Variants in SNTG1 observed in about 807,000 individuals in gnomAD.
The protein encoded by SNTG1 is gamma-1-syntrophin.
Under a neutral mutation model 74.7 loss-of-function variants are expected in SNTG1, and 39 were observed. The ratio of observed to expected loss-of-function variants is 0.52; its 90% confidence interval spans 0.40 to 0.68. The LOEUF (loss-of-function observed/expected upper bound fraction) is 0.68. Ranked by LOEUF, SNTG1 falls within the 30% of genes least tolerant of loss-of-function variation. SNTG1 has a pLI of 0.00. For synonymous variants in SNTG1, 254 were observed against 217.1 expected (o/e 1.17, Z -1.49); for missense variants, 685 against 609.5 (o/e 1.12, Z -1.30).
chr8:50,021,719 G>T (rs998548244), intron 1 of SNTG1, among the ~76,000 whole-genome samples: 1 of 151,990 alleles, frequency 6.6e-6, no homozygotes, highest in Admixed American at 6.6e-5. Context: ...AGGATCACTT[G>T]ATCCCCAAGA....
At chr8:50,087,105 GTGAAATAAGTGAGAGATTATCA>G (rs532776224) in intron 1 of SNTG1, among the ~76,000 whole-genome samples, 65 of 152,274 alleles carry the variant, frequency 4.3e-4, no homozygotes, top group African/African-American at 1.5e-3. Context: ...GATAGTTTTT[GTGAAATAAGTGAGAGATTATCA>G]TGTCTATTTT....
At chr8:50,254,158 C>T (rs539842129) in intron 2 of SNTG1, among the ~76,000 whole-genome samples, 60 of 152,050 alleles carry the variant, frequency 3.9e-4, no homozygotes, top group African/African-American at 1.4e-3. Context: ...ACATTGTATG[C>T]CATAAATATG....
At chr8:50,594,806 C>T (rs2094715893) in intron 13 of SNTG1, among the ~76,000 whole-genome samples, 1 of 152,056 alleles carries the variant, frequency 6.6e-6, no homozygotes, top group African/African-American at 2.4e-5. Context: ...TATGGAAATT[C>T]ACAAAGGCTC....
chr8:50,471,816 TAA>T (rs753501410), intron 8 of SNTG1, among the ~76,000 whole-genome samples: 2 of 152,106 alleles, frequency 1.3e-5, no homozygotes, highest in African/African-American at 2.4e-5. Context: ...TAGAAATCCC[TAA>T]AGAGTCCATA....
chr8:50,487,749 G>A (rs1402423190), intron 8 of SNTG1, among the ~76,000 whole-genome samples: 2 of 151,756 alleles, frequency 1.3e-5, no homozygotes, highest in Admixed American at 1.3e-4. Flanking sequence ...TGACGAGTTA[G>A]TGGGTGCAGT....
chr8:50,100,144 A>C (rs2131222183), intron 1 of SNTG1, among the ~76,000 whole-genome samples: 1 of 152,248 alleles, frequency 6.6e-6, no homozygotes, highest in Admixed American at 6.5e-5. Flanking sequence ...CATTAAAGTA[A>C]GTGAAATAAG....
chr8:50,131,690 T>C (rs2081323424), intron 1 of SNTG1, among the ~76,000 whole-genome samples: 1 of 152,256 alleles, frequency 6.6e-6, no homozygotes, highest in African/African-American at 2.4e-5. Context: ...TTTTATTTTG[T>C]GGATATATAC....
intron 2 of SNTG1, among the ~76,000 whole-genome samples, chr8:50,194,617 A>G (rs760749726): frequency 6.6e-6 from 1 of 152,042 alleles, no homozygotes; most frequent in Non-Finnish European, 1.5e-5. Context: ...TCAAAGAACC[A>G]GCTTTTTGTT....
At chr8:50,579,752 G>A (rs529209466) in intron 12 of SNTG1, among the ~76,000 whole-genome samples, 192 of 152,326 alleles carry the variant, frequency 1.3e-3, no homozygotes, top group African/African-American at 4.4e-3. Context: ...CTTTGAGTGC[G>A]CAGAAAACAA....
At chr8:50,132,732 A>G (rs1168272231) in intron 1 of SNTG1, among the ~76,000 whole-genome samples, 1 of 152,124 alleles carries the variant, frequency 6.6e-6, no homozygotes, top group East Asian at 1.9e-4. Flanking sequence ...ATTTTGTCCC[A>G]TCTCTGTCTC....
At chr8:50,769,922 G>A (rs893609329) in intron 18 of SNTG1, among the ~76,000 whole-genome samples, 11 of 152,076 alleles carry the variant, frequency 7.2e-5, no homozygotes, top group African/African-American at 2.7e-4. Flanking sequence ...AGCAGAGATA[G>A]GCAATGTAAT....
chr8:50,723,086 TG>T (rs2095491670), intron 17 of SNTG1, among the ~76,000 whole-genome samples: 1 of 152,150 alleles, frequency 6.6e-6, no homozygotes, highest in Admixed American at 6.5e-5. Context: ...CAGACTATCG[TG>T]CTAATGAAGC....
At chr8:50,114,475 T>C (rs1231126528) in intron 1 of SNTG1, among the ~76,000 whole-genome samples, 1 of 151,990 alleles carries the variant, frequency 6.6e-6, no homozygotes, top group African/African-American at 2.4e-5. Context: ...TTTTAAAAAG[T>C]CAAACCCATA....
At chr8:50,611,066 T>TA (rs2094846403) in intron 13 of SNTG1, among the ~76,000 whole-genome samples, 1 of 152,068 alleles carries the variant, frequency 6.6e-6, no homozygotes, top group East Asian at 1.9e-4. Context: ...CTAAAAAGAT[T>TA]ATATATAGTC....
chr8:50,204,651 T>C (rs1314844778), intron 2 of SNTG1, among the ~76,000 whole-genome samples: 1 of 152,148 alleles, frequency 6.6e-6, no homozygotes, highest in Non-Finnish European at 1.5e-5. Flanking sequence ...ACATGTGCCA[T>C]ATTGGTGTGC....
Position 50,647,813 on chromosome 8 carries a change from A to G in SNTG1, c.850-9096A>G, listed in dbSNP as rs565833078. Among the ~76,000 whole-genome samples the G allele has an allele frequency of 3.0e-3, 457 of 152,220 alleles. 3 individuals are homozygous for G. Among genetic ancestry groups the G allele is most frequent in the African/African-American group, 0.011 (440 of 41,552 alleles). ...TGGAAGTCCTCTTGTCATTTAATGT[A>G]TTTAGGGAAATTCTCCTTTTAATTC... On this transcript the variant is annotated intron_variant, in intron 13 of 18. Coordinates refer to ENST00000642720, the MANE Select transcript of SNTG1 (RefSeq NM_018967.5).
intron 2 of SNTG1, chr8:50,286,642 T>C (rs1193890325): frequency 6.6e-6 from 1 of 152,192 alleles, no homozygotes; most frequent in Non-Finnish European, 1.5e-5. Flanking sequence ...CCCAACATTA[T>C]TGTCGTTGTT....
At chr8:50,535,515 G>GA (rs1412788379) in intron 10 of SNTG1, among the ~76,000 whole-genome samples, 1 of 152,166 alleles carries the variant, frequency 6.6e-6, no homozygotes, top group Non-Finnish European at 1.5e-5. Context: ...GACTAGCATT[G>GA]AAGGACAGGT....
At chr8:50,061,755 G>A (rs564113617) in intron 1 of SNTG1, among the ~76,000 whole-genome samples, 1 of 151,882 alleles carries the variant, frequency 6.6e-6, no homozygotes, top group Admixed American at 6.6e-5. Context: ...GCAGTATATG[G>A]CTTAATTTTT....
Sources: gnomAD v4.1 joint callset for allele counts (sites outside exome capture counted in the v4.1 genomes callset) on GRCh38, gnomAD v4.1.1 for gene constraint, MANE v1.5 for transcripts, NCBI Gene and HGNC (gene_info 2026-07-23, HGNC 2026-07-21) for gene names.